The following EFR3A variants were observed in gnomAD, a reference collection of about 807,000 sequenced individuals.
The protein encoded by EFR3A is protein EFR3 homolog A.
EFR3A carries 76 observed loss-of-function variants against 104.4 expected under a neutral mutation model. The observed-to-expected ratio is 0.73, with a 90% CI of 0.60 to 0.88. The LOEUF is 0.88. EFR3A is among the 40% of genes least tolerant of loss of function. The probability of loss-of-function intolerance (pLI) is 0.00; values close to 1 mark genes in which losing one functional copy is unlikely to be tolerated. For synonymous variants in EFR3A, 330 were observed against 330.0 expected, an observed-to-expected ratio of 1.00 and a Z score of 0.00; for missense variants, 985 against 1,012.5, an observed-to-expected ratio of 0.97 and a Z score of 0.37.
At chr8:131,905,537 C>A in intron 1 of EFR3A, among the ~76,000 whole-genome samples, 1 of 152,156 alleles carries the variant, frequency 6.6e-6, no homozygotes. Context: ...ACTCCTCATA[C>A]ATGTGTGGGT....
intron 22 of EFR3A, among the ~76,000 whole-genome samples, chr8:132,005,538 C>T (rs1209329597): frequency 6.6e-6 from 1 of 151,908 alleles, no homozygotes; most frequent in Admixed American, 6.6e-5. Flanking sequence ...ACACCACACA[C>T]CCACACCCCC....
At position 131,970,577 on chromosome 8, in the gene EFR3A, A is replaced by C; in HGVS notation, c.1093A>C (p.Asn365His). 1 of 1,613,478 alleles carries C rather than the reference A, an allele frequency of 6.2e-7. No individual in the cohort carries two copies. Among genetic ancestry groups the C allele is most frequent in the Non-Finnish European group, 8.5e-7 (1 of 1,179,690 alleles). The change falls in exon 10 of 23, where the codon AAC becomes CAC. Residue 365 changes from asparagine (N) to histidine (H), a missense_variant. By Grantham distance (68) the Asn-to-His change is moderately conservative. Transcript: ENST00000254624. ...DLQGGSVGSV[N>H]LNTSSKDNDE... The stretch of plus-strand genomic sequence containing the variant: ...ACAGGGGGGATCTGTAGGCAGTGTC[A>C]ACTTAAATACAAGTTCCAAAGACAA...
chr8:131,914,158 C>A (rs1310923616), intron 1 of EFR3A, among the ~76,000 whole-genome samples: 1 of 152,172 alleles, frequency 6.6e-6, no homozygotes, highest in African/African-American at 2.4e-5. Context: ...ACACTCCAGG[C>A]AAATGTATAA....
At chr8:131,948,872 A>C (rs1200470711) in intron 4 of EFR3A, among the ~76,000 whole-genome samples, 1 of 152,130 alleles carries the variant, frequency 6.6e-6, no homozygotes, top group African/African-American at 2.4e-5. Flanking sequence ...GTGCTAATTT[A>C]AAATTTATTA....
intron 1 of EFR3A, among the ~76,000 whole-genome samples, chr8:131,904,699 T>C (rs1416442523): frequency 6.6e-6 from 1 of 152,200 alleles, no homozygotes; most frequent in Non-Finnish European, 1.5e-5. Context: ...CCTTCTCACC[T>C]CGGGCCGGAC....
At chr8:131,933,222 G>A (rs1817704704) in intron 1 of EFR3A, among the ~76,000 whole-genome samples, 1 of 151,990 alleles carries the variant, frequency 6.6e-6, no homozygotes, top group Non-Finnish European at 1.5e-5. Flanking sequence ...CTGTAGATTG[G>A]GACACCGGGG....
rs781006965 is a variant in EFR3A at position 132,001,755 on chromosome 8, C to G, written c.2158-4C>G. ...TCTCGATTTCACTTATCACTTTTCT[C>G]TAGGTTAGTAACACTGAAGAAATCA... On this transcript the variant is annotated splice_polypyrimidine_tract_variant and splice_region_variant and intron_variant, in intron 19 of 22. Transcript: ENST00000254624. 6.8e-6 allele frequency: 11 copies of G among 1,612,568 alleles called. No homozygotes were observed. The East Asian group carries it at 2.0e-4, about 29-fold the overall frequency.
intron 18 of EFR3A, among the ~76,000 whole-genome samples, chr8:131,992,834 A>C (rs1442523312): frequency 6.6e-6 from 1 of 152,132 alleles, no homozygotes; most frequent in Non-Finnish European, 1.5e-5. Context: ...AGATCTGATG[A>C]GAGAGCCTAG....
intron 22 of EFR3A, among the ~76,000 whole-genome samples, chr8:132,006,584 C>T (rs1417302071): frequency 1.3e-5 from 2 of 151,994 alleles, no homozygotes; most frequent in Non-Finnish European, 2.9e-5. Flanking sequence ...TCACTGCTTA[C>T]TTTTATCATA....
Position 132,010,773 on chromosome 8 carries a change from T to G in EFR3A, c.2361-17T>G, listed in dbSNP as rs1822303644. 1.2e-6 allele frequency: 2 copies of G among 1,610,444 alleles called. No individual in the cohort carries two copies. Among genetic ancestry groups the G allele is most frequent in the African/African-American group, 1.3e-5 (1 of 74,924 alleles). On this transcript the variant is annotated splice_polypyrimidine_tract_variant and intron_variant, in intron 22 of 22. Transcript: ENST00000254624. ...TGTAAGTACACCTGCTGACAATGTA[T>G]TTTTGTTCTTTTATAGTCCTCCTCC...
intron 6 of EFR3A, among the ~76,000 whole-genome samples, chr8:131,954,772 TA>T (rs914682920): frequency 1.3e-5 from 2 of 151,950 alleles, no homozygotes; most frequent in African/African-American, 2.4e-5. Flanking sequence ...GAATCAAATT[TA>T]AAAGTGATTC....
chr8:131,993,243 C>T (rs574614881), intron 18 of EFR3A, among the ~76,000 whole-genome samples: 115 of 152,224 alleles, frequency 7.6e-4, no homozygotes, highest in Non-Finnish European at 1.3e-3. Context: ...TGGTTTGAAA[C>T]AGTAAAGATT....
At chr8:131,954,919 T>G (rs1442716143) in intron 6 of EFR3A, among the ~76,000 whole-genome samples, 1 of 152,128 alleles carries the variant, frequency 6.6e-6, no homozygotes, top group African/African-American at 2.4e-5. Context: ...CTTACACTAA[T>G]TACAGAAAGG....
intron 8 of EFR3A, among the ~76,000 whole-genome samples, chr8:131,965,974 C>T (rs1263228314): frequency 3.3e-5 from 5 of 152,144 alleles, no homozygotes; most frequent in African/African-American, 7.2e-5. Flanking sequence ...AAAAACCAAA[C>T]ACCGCATGTT....
chr8:131,949,834 A>G (rs1455086487), intron 4 of EFR3A, 135 bp from the exon 5 acceptor site: 23 of 818,564 alleles, frequency 2.8e-5, no homozygotes, highest in South Asian at 3.7e-5. Flanking sequence ...TTTCTTCTGT[A>G]TTAATGTTGT....
intron 19 of EFR3A, among the ~76,000 whole-genome samples, chr8:131,997,859 C>G (rs1821575820): frequency 6.6e-6 from 1 of 151,978 alleles, no homozygotes; most frequent in South Asian, 2.1e-4. Context: ...ATAGAGAACA[C>G]TTGAAACTGT....
chr8:132,008,064 A>G (rs1210579277), intron 22 of EFR3A, among the ~76,000 whole-genome samples: 1 of 152,022 alleles, frequency 6.6e-6, no homozygotes, highest in Non-Finnish European at 1.5e-5. Flanking sequence ...AGGACACACA[A>G]AGTACTAAAC....
rs562018150 is a variant in EFR3A at position 131,944,775 on chromosome 8, T to C, written c.118T>C (p.Leu40=). 11 of 1,603,230 alleles carry C rather than the reference T, an allele frequency of 6.9e-6. No individual in the cohort carries two copies. Among genetic ancestry groups the C allele is most frequent in the East Asian group, 2.3e-5 (1 of 44,422 alleles). The stretch of plus-strand genomic sequence containing the variant: ...CCTTGTGAAAACTGATATGGAGAAA[T>C]TGACATTTTATGCAGTATCTGCTCC... ...DGLVKTDMEK[L]TFYAVSAPEK... is the part of the protein sequence containing the mutation. The change falls in exon 3 of 23, where the codon TTG becomes CTG. Residue 40 remains leucine, a synonymous_variant. Coordinates refer to ENST00000254624, the MANE Select transcript of EFR3A (RefSeq NM_015137.6).
chr8:132,002,824 T>C (rs936246762), intron 21 of EFR3A, 118 bp downstream of exon 21: 4 of 773,948 alleles, frequency 5.2e-6, no homozygotes, highest in Middle Eastern at 2.3e-4. Context: ...CAGGAAAATA[T>C]ATCAGATAAG....
Sources: gnomAD v4.1 joint callset for allele counts (sites outside exome capture counted in the v4.1 genomes callset) on GRCh38, gnomAD v4.1.1 for gene constraint, MANE v1.5 for transcripts, NCBI Gene and HGNC (gene_info 2026-07-23, HGNC 2026-07-21) for gene names.